RXFP1: variants seen among roughly 807,000 people sequenced by gnomAD.
RXFP1 encodes the protein relaxin family peptide receptor 1.
Under a neutral mutation model 89.8 loss-of-function variants are expected in RXFP1, and 73 were observed. The ratio of observed to expected loss-of-function variants is 0.81; its 90% CI spans 0.67 to 0.99. The LOEUF is 0.99. Among genes scored for constraint, RXFP1 ranks in the 50% least tolerant of loss-of-function variants. The pLI, the probability that RXFP1 is intolerant of heterozygous loss-of-function variation, is 0.00. For missense variants in RXFP1, 793 were observed against 895.5 expected (o/e 0.89, Z 1.46); for synonymous variants, 277 against 305.5 (o/e 0.91, Z 0.97).
chr4:158,525,089 CA>C (rs1742156115), intron 1 of RXFP1, among the ~76,000 whole-genome samples: 1 of 152,072 alleles, frequency 6.6e-6, no homozygotes, highest in Non-Finnish European at 1.5e-5. Flanking sequence ...AATTCCAGAA[CA>C]GACCATTAGC....
rs116060413 is a variant in RXFP1, at chr4:158,595,436, G to T, written c.286+1937G>T. Among the ~76,000 whole-genome samples the T allele has an allele frequency of 2.0e-3, 300 of 152,196 alleles. 1 individual carries two copies. Among genetic ancestry groups the T allele is most frequent in the African/African-American group, 6.7e-3 (280 of 41,534 alleles). ...TTTTTTCCTATATAGTGCCTTCCTGGTCATATCCTTTTCGTAAAACCATTT... is the reference window on the plus strand; with the variant it reads ...TTTTTTCCTATATAGTGCCTTCCTGTTCATATCCTTTTCGTAAAACCATTT... On this transcript the variant is annotated intron_variant, in intron 3 of 17. Coordinates refer to ENST00000307765, the MANE Select transcript of RXFP1 (RefSeq NM_021634.4).
intron 1 of RXFP1, among the ~76,000 whole-genome samples, chr4:158,567,469 C>T (rs1168685234): frequency 6.6e-6 from 1 of 152,112 alleles, no homozygotes; most frequent in East Asian, 2.0e-4. Flanking sequence ...CACCAATCAG[C>T]ACCCTGTGTC....
rs148021791 is a variant in RXFP1 at position 158,608,536 on chromosome 4, A to G, written c.536+493A>G. On this transcript the variant is annotated intron_variant, in intron 6 of 17. Transcript: ENST00000307765. ...AACCCAAAGACTTCCCCAGTTATTCAATTACTCTTTCTTCACTAATCCCAC... is the reference window on the plus strand; with the variant it reads ...AACCCAAAGACTTCCCCAGTTATTCGATTACTCTTTCTTCACTAATCCCAC... 3.2e-3 allele frequency among the ~76,000 whole-genome samples: 481 copies of G among 151,950 alleles called. 1 individual carries two copies. The highest frequency in any genetic ancestry group is 0.011 in the African/African-American group (460 of 41,490).
chr4:158,641,319 C>G (rs1161023905), intron 14 of RXFP1, among the ~76,000 whole-genome samples: 1 of 152,168 alleles, frequency 6.6e-6, no homozygotes, highest in Admixed American at 6.5e-5. Flanking sequence ...TCTAGTTGAT[C>G]ACGTCTAGGG....
In RXFP1 at chr4:158,606,164, T is replaced by A. The variant is rs1360860978; in HGVS notation, c.464+1025T>A. ...TCAAGAGTACACTGACTTATTCTAT[T>A]TTCTGATTTCTGGAGACTGAAGAAT... On this transcript the variant is annotated intron_variant, in intron 5 of 17. Transcript: ENST00000307765. Among the ~76,000 whole-genome samples, 3 of 152,362 alleles carry A rather than the reference T, an allele frequency of 2.0e-5. No homozygotes were observed. In the East Asian group the frequency reaches 5.8e-4, roughly 29 times the overall value.
intron 1 of RXFP1, among the ~76,000 whole-genome samples, chr4:158,554,797 A>G (rs1455988847): frequency 1.3e-5 from 2 of 152,160 alleles, no homozygotes; most frequent in Non-Finnish European, 2.9e-5. Flanking sequence ...GTCATAGAGT[A>G]TAATTAAACT....
At chr4:158,543,696 T>C (rs1231030168) in intron 1 of RXFP1, 5 of 893,876 alleles carry the variant, frequency 5.6e-6, no homozygotes, top group East Asian at 2.4e-4. Flanking sequence ...TCAGTTTTTC[T>C]TCATTTATCT....
chr4:158,612,400 CA>C, intron 8 of RXFP1, 38 bp downstream of exon 8: 1 of 1,387,606 alleles, frequency 7.2e-7, no homozygotes. Context: ...CAATCAAAGG[CA>C]AAGACATGAA....
intron 2 of RXFP1, among the ~76,000 whole-genome samples, chr4:158,581,718 G>A (rs1463317855): frequency 2.6e-4 from 40 of 152,202 alleles, no homozygotes; most frequent in Admixed American, 2.6e-3. Context: ...TAAAGATGGA[G>A]ACATTGATGC....
chr4:158,569,519 A>C (rs897785171), intron 1 of RXFP1, among the ~76,000 whole-genome samples: 1 of 152,160 alleles, frequency 6.6e-6, no homozygotes, highest in Admixed American at 6.5e-5. Flanking sequence ...GGAGGCAGGG[A>C]CTATATGGGC....
intron 1 of RXFP1, among the ~76,000 whole-genome samples, chr4:158,540,920 G>A (rs1055696444): frequency 1.3e-4 from 20 of 152,094 alleles, no homozygotes; most frequent in African/African-American, 4.6e-4. Context: ...TGATTTTGCT[G>A]AATAATAAGT....
intron 1 of RXFP1, among the ~76,000 whole-genome samples, chr4:158,538,326 CA>C (rs1745750314): frequency 6.6e-6 from 1 of 152,062 alleles, no homozygotes; most frequent in Non-Finnish European, 1.5e-5. Context: ...GAGACAGCTG[CA>C]ATTAGACACG....
chr4:158,532,000 A>G (rs2149796234), intron 1 of RXFP1, among the ~76,000 whole-genome samples: 1 of 152,170 alleles, frequency 6.6e-6, no homozygotes, highest in Non-Finnish European at 1.5e-5. Context: ...ATATCGTGTG[A>G]TGCTGAGGCT....
At chr4:158,569,234 T>G (rs1467120021) in intron 1 of RXFP1, among the ~76,000 whole-genome samples, 1 of 152,184 alleles carries the variant, frequency 6.6e-6, no homozygotes, top group African/African-American at 2.4e-5. Context: ...TACTGCATGA[T>G]TCCAATGACA....
chr4:158,609,767 G>T (rs951931685), intron 6 of RXFP1, among the ~76,000 whole-genome samples: 1 of 152,156 alleles, frequency 6.6e-6, no homozygotes, highest in Non-Finnish European at 1.5e-5. Flanking sequence ...AAAGTACCCA[G>T]AATCAATATT....
chr4:158,622,751 C>T (rs750515124), intron 9 of RXFP1, among the ~76,000 whole-genome samples: 1 of 152,096 alleles, frequency 6.6e-6, no homozygotes, highest in Non-Finnish European at 1.5e-5. Flanking sequence ...TACAAAATTA[C>T]AGTTATGAGA....
chr4:158,549,427 G>A (rs936294824), intron 1 of RXFP1, among the ~76,000 whole-genome samples: 31 of 151,908 alleles, frequency 2.0e-4, no homozygotes, highest in African/African-American at 6.8e-4. Context: ...TAGTCTGATC[G>A]TCTGAAGCCT....
chr4:158,572,613 T>C, intron 1 of RXFP1, 85 bp from the exon 2 acceptor site: 1 of 1,210,650 alleles, frequency 8.3e-7, no homozygotes, highest in Non-Finnish European at 1.2e-6. Flanking sequence ...GACAAATGAT[T>C]ATAAAATATC....
chr4:158,635,384 A>T (rs1468766519), intron 12 of RXFP1, among the ~76,000 whole-genome samples: 2 of 152,202 alleles, frequency 1.3e-5, no homozygotes, highest in Non-Finnish European at 2.9e-5. Context: ...AGGAATGTTG[A>T]TGAATGTTTT....
Sources: allele counts gnomAD v4.1 joint callset (sites outside exome capture counted in the v4.1 genomes callset), GRCh38; gene constraint gnomAD v4.1.1; transcripts MANE v1.5; gene names NCBI Gene and HGNC (gene_info 2026-07-23, HGNC 2026-07-21).